The following AP1G1 variants were observed in gnomAD, a reference collection of about 807,000 sequenced individuals.
AP1G1 encodes adaptor related protein complex 1 subunit gamma 1.
Under a neutral mutation model 108.3 loss-of-function variants are expected in AP1G1, and 7 were observed. That is an observed-to-expected ratio of 0.06 (90% confidence interval 0.04 to 0.12). AP1G1 has a LOEUF of 0.12. Ranked by LOEUF, AP1G1 falls within the 10% of genes least tolerant of loss-of-function variation. AP1G1 has a pLI of 1.00. For missense variants in AP1G1, 756 were observed against 1,010.7 expected, an observed-to-expected ratio of 0.75 and a Z score of 3.42; for synonymous variants, 379 against 353.5, an observed-to-expected ratio of 1.07 and a Z score of -0.81.
At chr16:71,808,673 TG>T (rs1567669354) in intron 1 of AP1G1, 89 bp downstream of exon 1, 1 of 1,288,212 alleles carries the variant, frequency 7.8e-7, no homozygotes, top group South Asian at 1.2e-5. Context: ...ACTGGACCCC[TG>T]AAACTGAAAG....
rs763953689 is a variant in AP1G1 at position 71,789,492 on chromosome 16, G to C, written c.-3-10C>G. 4 of 1,613,072 alleles carry C rather than the reference G, an allele frequency of 2.5e-6. No homozygotes were observed. Among genetic ancestry groups the C allele is most frequent in the Non-Finnish European group, 3.4e-6 (4 of 1,179,194 alleles). On this transcript the variant is annotated splice_polypyrimidine_tract_variant and intron_variant, in intron 1 of 22. Coordinates refer to ENST00000299980, the MANE Select transcript of AP1G1 (RefSeq NM_001128.6). ...TGGGGGCTGGCATCCTCTGGATATG[G>C]AAAGACATTAAATAGAGATGTTCAC... is the stretch of plus-strand genomic sequence containing the variant.
At position 71,765,670 on chromosome 16, in the gene AP1G1, T is replaced by A. The variant is rs747929512; in HGVS notation, c.643-86A>T. 2.3e-5 allele frequency: 24 copies of A among 1,059,306 alleles called. No individual in the cohort carries two copies. In the South Asian group the frequency reaches 2.9e-4, roughly 13 times the overall value. 65.6% of individuals were successfully genotyped at this position (1,059,306 alleles called of 1,614,324 possible). A position where few individuals can be genotyped will look rare whatever the true frequency, so the allele number is the denominator to read the frequency against. ...CAGGTCCTTTGGTTTAGAAAAAGGG[T>A]GTAAGGGTCCCAGTCCAAGCAAATT... On this transcript the variant is annotated intron_variant, in intron 6 of 22. Transcript: ENST00000299980.
At position 71,758,795 on chromosome 16, in the gene AP1G1, C is replaced by T; in HGVS notation, c.1088+13G>A. 1.3e-6 allele frequency: 2 copies of T among 1,519,950 alleles called. No individual in the cohort carries two copies. The highest frequency in any genetic ancestry group is 2.3e-5 in the East Asian group (1 of 44,392). 94.2% of individuals were successfully genotyped at this position (1,519,950 alleles called of 1,614,324 possible). A position where few individuals can be genotyped will look rare whatever the true frequency, so the allele number is the denominator to read the frequency against. ...CAAAAACACTAGACTGAGAAAGGCT[C>T]TCAGTTTGTTACCGTTTTATTGAGA... On this transcript the variant is annotated intron_variant, in intron 11 of 22. Transcript: ENST00000299980.
At chr16:71,796,194 G>A (rs1226684823) in intron 1 of AP1G1, among the ~76,000 whole-genome samples, 2 of 152,110 alleles carry the variant, frequency 1.3e-5, no homozygotes, top group East Asian at 1.9e-4. Context: ...AGCTGAGATC[G>A]AATCACTGCA....
At chr16:71,803,977 T>C (rs572295566) in intron 1 of AP1G1, among the ~76,000 whole-genome samples, 175 of 151,682 alleles carry the variant, frequency 1.2e-3, no homozygotes, top group African/African-American at 4.0e-3. Flanking sequence ...CTTGACCTCA[T>C]TGAAATAAAA....
intron 12 of AP1G1, among the ~76,000 whole-genome samples, chr16:71,755,716 G>C (rs1274574898): frequency 6.6e-6 from 1 of 151,752 alleles, no homozygotes; most frequent in Non-Finnish European, 1.5e-5. Context: ...CATAACCTTG[G>C]CTCACTGCAA....
At chr16:71,739,856 A>G (rs919653499) in intron 19 of AP1G1, among the ~76,000 whole-genome samples, 6 of 152,204 alleles carry the variant, frequency 3.9e-5, no homozygotes, top group Non-Finnish European at 5.9e-5. Flanking sequence ...TATAAAACCA[A>G]TAAGAAACAG....
At chr16:71,781,251 C>A (rs2032003144) in intron 2 of AP1G1, among the ~76,000 whole-genome samples, 1 of 152,162 alleles carries the variant, frequency 6.6e-6, no homozygotes, top group South Asian at 2.1e-4. Context: ...TCTATATAGA[C>A]CAGAGTCTGT....
chr16:71,746,461 T>A, intron 17 of AP1G1, 127 bp downstream of exon 17: 1 of 516,656 alleles, frequency 1.9e-6, no homozygotes, highest in Admixed American at 3.7e-5. Context: ...AGACAAGCAA[T>A]TAGAACTAAA....
At chr16:71,747,857 C>T (rs541257702) in intron 16 of AP1G1, among the ~76,000 whole-genome samples, 1 of 152,196 alleles carries the variant, frequency 6.6e-6, no homozygotes, top group East Asian at 1.9e-4. Context: ...ATGGTGTGCA[C>T]TTATAGTCCC....
chr16:71,795,725 TTACAA>T (rs1263443810), intron 1 of AP1G1, among the ~76,000 whole-genome samples: 2 of 152,224 alleles, frequency 1.3e-5, no homozygotes, highest in African/African-American at 2.4e-5. Context: ...GACTTTTACT[TTACAA>T]TACATCTTAT....
At chr16:71,806,699 A>G (rs1301786493) in intron 1 of AP1G1, 4 of 1,288,438 alleles carry the variant, frequency 3.1e-6, no homozygotes, top group Non-Finnish European at 4.0e-6. Flanking sequence ...ATGAGTGAGC[A>G]TTACATAGGT....
intron 1 of AP1G1, among the ~76,000 whole-genome samples, chr16:71,803,151 C>CTGTA (rs764203476): frequency 1.1e-4 from 17 of 150,836 alleles, no homozygotes; most frequent in Admixed American, 9.2e-4. Flanking sequence ...GAGGTAGAGG[C>CTGTA]TGTAGTAAGC....
At chr16:71,751,591 G>T (rs2030511204) in intron 13 of AP1G1, among the ~76,000 whole-genome samples, 1 of 151,996 alleles carries the variant, frequency 6.6e-6, no homozygotes, top group Non-Finnish European at 1.5e-5. Context: ...AAGCTAAAAA[G>T]CAGGTAATTT....
At chr16:71,736,714 T>C (rs1471492243) in intron 21 of AP1G1, among the ~76,000 whole-genome samples, 1 of 150,508 alleles carries the variant, frequency 6.6e-6, no homozygotes, top group Non-Finnish European at 1.5e-5. Context: ...GCCTCCCAAG[T>C]AGCTGACACT....
chr16:71,743,602 CAA>C (rs60790948), intron 19 of AP1G1: 15 of 113,990 alleles, frequency 1.3e-4, no homozygotes, highest in South Asian at 2.9e-4. Context: ...GACTCTGTCT[CAA>C]AAAAAAAAAA....
intron 2 of AP1G1, among the ~76,000 whole-genome samples, chr16:71,780,400 C>T (rs2031968235): frequency 6.6e-6 from 1 of 151,310 alleles, no homozygotes; most frequent in Admixed American, 6.6e-5. Flanking sequence ...GCTCAGGCAC[C>T]AGGATCGCTT....
chr16:71,784,533 G>C (rs1240865093), intron 2 of AP1G1, among the ~76,000 whole-genome samples: 1 of 152,014 alleles, frequency 6.6e-6, no homozygotes, highest in Non-Finnish European at 1.5e-5. Context: ...CAAATCCTTT[G>C]TACAGCAAGG....
In AP1G1 at chr16:71,773,371, GAA is replaced by G; in HGVS notation, c.327-11_327-10del. ...TGCTATGATTAAGATCACTGCAAAA[GAA>G]AAGAGGAAGGTAGGAACAAGCCTGG... On this transcript the variant is annotated splice_polypyrimidine_tract_variant and intron_variant, in intron 3 of 22. Coordinates refer to ENST00000299980, the MANE Select transcript of AP1G1 (RefSeq NM_001128.6). The G allele has an allele frequency of 6.7e-7, 1 of 1,490,248 alleles. No individual in the cohort carries two copies. The highest frequency in any genetic ancestry group is 8.9e-7 in the Non-Finnish European group (1 of 1,124,552). 92.3% of individuals were successfully genotyped at this position (1,490,248 alleles called of 1,614,324 possible). A position where few individuals can be genotyped will look rare whatever the true frequency, so the allele number is the denominator to read the frequency against.
Sources: gnomAD v4.1 joint callset for allele counts (sites outside exome capture counted in the v4.1 genomes callset) on GRCh38, gnomAD v4.1.1 for gene constraint, MANE v1.5 for transcripts, NCBI Gene and HGNC (gene_info 2026-07-23, HGNC 2026-07-21) for gene names.